The following CEP170 variants were observed in gnomAD, a reference collection of about 807,000 sequenced individuals.
CEP170 encodes centrosomal protein of 170 kDa.
CEP170 carries 21 observed loss-of-function variants against 151.9 expected under a neutral mutation model. That is an observed-to-expected ratio of 0.14 (90% CI 0.10 to 0.20). CEP170 has a LOEUF of 0.20. Among genes scored for constraint, CEP170 ranks in the 10% least tolerant of loss-of-function variants. CEP170 has a pLI of 1.00. For synonymous variants in CEP170, 356 were observed against 648.8 expected (o/e 0.55, Z 6.86); for missense variants, 964 against 1,892.9 (o/e 0.51, Z 9.11).
At chr1:243,179,507 T>C (rs1211440903) in intron 10 of CEP170, among the ~76,000 whole-genome samples, 2 of 152,326 alleles carry the variant, frequency 1.3e-5, no homozygotes, top group Admixed American at 6.5e-5. Context: ...GCTAAGTTTA[T>C]AATATATACA....
chr1:243,169,422 A>T lies in CEP170; in HGVS notation c.1843+206T>A, dbSNP rs189653742. ...TCTAATAAAAATCAGCCTTTTACTTATAAAATGAATTCATTTATCAGCATG... is the reference window on the plus strand; with the variant it reads ...TCTAATAAAAATCAGCCTTTTACTTTTAAAATGAATTCATTTATCAGCATG... On this transcript the variant is annotated intron_variant, in intron 12 of 19. Transcript: ENST00000366542. The T allele has an allele frequency of 1.6e-4, 144 of 884,654 alleles. No homozygotes were observed. The East Asian group carries it at 4.0e-3, about 25-fold the overall frequency. The allele number at this position is 884,654 out of a possible 1,614,324, so 54.8% of individuals were successfully genotyped here.
At position 243,178,883 on chromosome 1, in the gene CEP170, G is replaced by GT. The variant is rs985307725; in HGVS notation, c.1567-6038dup. Among the ~76,000 whole-genome samples the GT allele has an allele frequency of 2.5e-3, 377 of 151,628 alleles. 1 individual carries two copies. The Middle Eastern group carries it at 0.038, about 15-fold the overall frequency. On this transcript the variant is annotated intron_variant, in intron 10 of 19. Transcript: ENST00000366542. ...GCAGGCTCATGCCCCATGCCCTGCTGTTTTTTTTGTATTTTTAGTAGAGAG... is the reference window on the plus strand; with the variant it reads ...GCAGGCTCATGCCCCATGCCCTGCTGTTTTTTTTTGTATTTTTAGTAGAGAG...
chr1:243,225,560 C>T (rs1169067927), intron 1 of CEP170, among the ~76,000 whole-genome samples: 1 of 152,110 alleles, frequency 6.6e-6, no homozygotes, highest in South Asian at 2.1e-4. Flanking sequence ...TAAGTGGGTG[C>T]TCAACTAGCA....
intron 14 of CEP170, among the ~76,000 whole-genome samples, chr1:243,146,319 C>T (rs1372589062): frequency 2.0e-5 from 3 of 152,104 alleles, no homozygotes; most frequent in African/African-American, 4.8e-5. Flanking sequence ...ACAGAGGTCA[C>T]GGGAATGAGA....
chr1:243,152,379 G>T (rs1430823092), intron 14 of CEP170, among the ~76,000 whole-genome samples: 1 of 151,484 alleles, frequency 6.6e-6, no homozygotes, highest in East Asian at 1.9e-4. Flanking sequence ...CCGCCACCAC[G>T]CCCGGCTAAT....
Position 243,186,334 on chromosome 1 carries a change from G to T in CEP170, c.1197C>A (p.His399Gln). 1 of 1,613,752 alleles carries T rather than the reference G, an allele frequency of 6.2e-7. No individual in the cohort carries two copies. The highest frequency in any genetic ancestry group is 1.1e-5 in the South Asian group (1 of 91,070). ...TGTGTTCTGAATGGTGGCGTCTTAAGTGTTCCTCAAGAGTTGCACGTTTGC... is the reference window on the plus strand; with the variant it reads ...TGTGTTCTGAATGGTGGCGTCTTAATTGTTCCTCAAGAGTTGCACGTTTGC... ...RCSKRATLEE[H>Q]LRRHHSEHKK... The change falls in exon 9 of 20, where the codon CAC becomes CAA. Residue 399 changes from histidine (H) to glutamine (Q), a missense_variant. Coordinates refer to ENST00000366542, the MANE Select transcript of CEP170 (RefSeq NM_014812.3).
intron 8 of CEP170, among the ~76,000 whole-genome samples, chr1:243,189,003 C>A (rs1305376809): frequency 6.6e-6 from 1 of 152,158 alleles, no homozygotes; most frequent in African/African-American, 2.4e-5. Context: ...ACATTATCTT[C>A]AATGGCTTGT....
At chr1:243,168,600 G>T (rs1016149476) in intron 12 of CEP170, among the ~76,000 whole-genome samples, 2 of 151,618 alleles carry the variant, frequency 1.3e-5, no homozygotes, top group African/African-American at 2.4e-5. Context: ...CATCTAAAAT[G>T]TACAATACTA....
At chr1:243,179,835 A>G (rs1034843995) in intron 10 of CEP170, among the ~76,000 whole-genome samples, 1 of 152,256 alleles carries the variant, frequency 6.6e-6, no homozygotes, top group Non-Finnish European at 1.5e-5. Context: ...TAGAGTGAAC[A>G]AACAGAAAAT....
intron 1 of CEP170, among the ~76,000 whole-genome samples, chr1:243,229,256 C>G (rs1186656004): frequency 2.0e-5 from 3 of 152,198 alleles, no homozygotes; most frequent in Non-Finnish European, 4.4e-5. Context: ...AGGTCTTAAC[C>G]AGATGTGATA....
intron 10 of CEP170, chr1:243,176,947 A>G: frequency 3.3e-6 from 1 of 300,822 alleles, no homozygotes; most frequent in Admixed American, 4.0e-5. Flanking sequence ...GTACAATACA[A>G]ACCAAACCTA....
rs1452951109 is a variant in CEP170 at position 243,191,266 on chromosome 1, C to G, written c.860G>C (p.Ser287Thr). The change falls in exon 8 of 20, where the codon AGT (serine) becomes ACT (threonine). Residue 287 changes from serine to threonine, a missense_variant. By Grantham distance (58) the Ser-to-Thr change is moderately conservative (BLOSUM62 1). Transcript: ENST00000366542. ...TCTAATAGTTACCTTCCCTGGGGTA[C>G]TGTCATCAAATTCAATGGTAAATGA... ...HASFTIEFDD[S>T]TPGKVTIRDH... 63 of 1,611,518 alleles carry G rather than the reference C, an allele frequency of 3.9e-5. No individual in the cohort carries two copies. The highest frequency in any genetic ancestry group is 5.2e-5 in the Non-Finnish European group (61 of 1,178,866).
intron 7 of CEP170, among the ~76,000 whole-genome samples, chr1:243,196,866 T>C (rs940850513): frequency 6.6e-6 from 1 of 152,078 alleles, no homozygotes; most frequent in Non-Finnish European, 1.5e-5. Context: ...AATGTATCTC[T>C]TTGTCATTTA....
At chr1:243,246,748 G>C (rs1181479810) in intron 1 of CEP170, among the ~76,000 whole-genome samples, 1 of 152,028 alleles carries the variant, frequency 6.6e-6, no homozygotes, top group African/African-American at 2.4e-5. Context: ...AGAAAATCTT[G>C]TTTTCTAAAT....
At chr1:243,183,292 A>G (rs749483289) in intron 10 of CEP170, among the ~76,000 whole-genome samples, 6 of 152,156 alleles carry the variant, frequency 3.9e-5, no homozygotes, top group Admixed American at 6.5e-5. Context: ...GTTAGACCAC[A>G]TGAACGTTTC....
At chr1:243,231,565 T>C (rs187906905) in intron 1 of CEP170, among the ~76,000 whole-genome samples, 2 of 152,238 alleles carry the variant, frequency 1.3e-5, no homozygotes, top group East Asian at 1.9e-4. Context: ...GGGGGAGGAA[T>C]GGAGATGTGC....
At chr1:243,188,525 C>G (rs1455848165) in intron 8 of CEP170, among the ~76,000 whole-genome samples, 3 of 152,152 alleles carry the variant, frequency 2.0e-5, no homozygotes, top group Non-Finnish European at 4.4e-5. Flanking sequence ...CAGTCCTCAC[C>G]AAGTTCTTTT....
At chr1:243,176,097 C>T (rs898681397) in intron 10 of CEP170, among the ~76,000 whole-genome samples, 3 of 151,934 alleles carry the variant, frequency 2.0e-5, no homozygotes, top group Admixed American at 2.0e-4. Context: ...CGCCCGGCCT[C>T]AAAGGTATTT....
In CEP170 at chr1:243,156,303, T is replaced by C; in HGVS notation, c.3829A>G (p.Thr1277Ala). The C allele has an allele frequency of 4.4e-6, 7 of 1,592,094 alleles. No individual in the cohort carries two copies. Among genetic ancestry groups the C allele is most frequent in the Non-Finnish European group, 5.1e-6 (6 of 1,169,550 alleles). ...RLQSAGSAMP[T>A]SSSFKHRIKE... ...ATCCGGTGTTTGAATGAAGAACTAG[T>C]AGGCATTGCTGATCCAGCGCTCTGC... Residue 1277 changes from threonine to alanine, a missense_variant, in exon 14 of 20, where the codon ACT becomes GCT. By Grantham distance (58) the Thr-to-Ala change is moderately conservative. Coordinates refer to ENST00000366542, the MANE Select transcript of CEP170 (RefSeq NM_014812.3).
Sources: allele counts gnomAD v4.1 joint callset (sites outside exome capture counted in the v4.1 genomes callset), GRCh38; gene constraint gnomAD v4.1.1; transcripts MANE v1.5; gene names NCBI Gene and HGNC (gene_info 2026-07-23, HGNC 2026-07-21).